OR1J2: variants seen among roughly 807,000 people sequenced by gnomAD.
OR1J2 encodes olfactory receptor 1J2.
For synonymous variants in OR1J2, 142 were observed against 99.7 expected (o/e 1.42, Z -2.52); for missense variants, 304 against 246.1 (o/e 1.24, Z -1.57).
At chr9:122,559,944 C>G in the OR1J2 span, among the ~76,000 whole-genome samples, 7 of 152,250 alleles carry the variant, frequency 4.6e-5, no homozygotes, top group African/African-American at 1.7e-4. Context: ...AAGTCTCCCA[C>G]TATTATTGTG....
At chr9:122,457,335 A>G in the OR1J2 span, among the ~76,000 whole-genome samples, 4 of 152,278 alleles carry the variant, frequency 2.6e-5, no homozygotes, top group South Asian at 4.1e-4. Flanking sequence ...ACGTTTGCCT[A>G]TGTAACAAAC....
the OR1J2 span, among the ~76,000 whole-genome samples, chr9:122,456,261 C>T: frequency 2.4e-4 from 37 of 152,194 alleles, no homozygotes; most frequent in African/African-American, 6.5e-4. Flanking sequence ...GCTATGTGCG[C>T]GCTCAGGAAT....
At chr9:122,471,769 C>G in the OR1J2 span, among the ~76,000 whole-genome samples, 1 of 152,116 alleles carries the variant, frequency 6.6e-6, no homozygotes, top group Admixed American at 6.5e-5. Context: ...AAAATTCCCC[C>G]CAAATAATTC....
chr9:122,453,049 AAATG>A, the OR1J2 span, among the ~76,000 whole-genome samples: 2 of 143,992 alleles, frequency 1.4e-5, no homozygotes, highest in African/African-American at 2.6e-5. Context: ...AAAAAAAAAA[AAATG>A]GGTGTGGCAC....
the OR1J2 span, among the ~76,000 whole-genome samples, chr9:122,545,861 TTAATA>T: frequency 1.3e-5 from 2 of 152,026 alleles, no homozygotes; most frequent in Non-Finnish European, 2.9e-5. Flanking sequence ...ATGAATAATA[TTAATA>T]TAATAGATGA....
At chr9:122,548,808 T>C in the OR1J2 span, among the ~76,000 whole-genome samples, 1 of 97,548 alleles carries the variant, frequency 1.0e-5, no homozygotes, top group African/African-American at 3.8e-5. Flanking sequence ...TGTGTTTTGT[T>C]GTTGTTGTTG....
chr9:122,575,549 T>C, the OR1J2 span, among the ~76,000 whole-genome samples: 59 of 151,828 alleles, frequency 3.9e-4, no homozygotes, highest in African/African-American at 1.4e-3. Context: ...GATGTTCCCT[T>C]ATTTATTTCT....
the OR1J2 span, among the ~76,000 whole-genome samples, chr9:122,559,900 C>T: frequency 6.6e-6 from 1 of 152,146 alleles, no homozygotes; most frequent in Non-Finnish European, 1.5e-5. Flanking sequence ...TTTTCTGTCT[C>T]ATTGATCAGT....
At chr9:122,552,079 T>TCTCTCTGTCACACA in the OR1J2 span, among the ~76,000 whole-genome samples, 1 of 142,102 alleles carries the variant, frequency 7.0e-6, no homozygotes, top group Non-Finnish European at 1.5e-5. Context: ...TCTCTCTCTC[T>TCTCTCTGTCACACA]CACACACACA....
At chr9:122,463,985 G>A in the OR1J2 span, among the ~76,000 whole-genome samples, 1 of 152,202 alleles carries the variant, frequency 6.6e-6, no homozygotes, top group South Asian at 2.1e-4. Context: ...TAGGCAGGGG[G>A]TGGGGCCATA....
the OR1J2 span, among the ~76,000 whole-genome samples, chr9:122,468,008 G>A: frequency 2.6e-5 from 4 of 152,182 alleles, no homozygotes; most frequent in African/African-American, 7.2e-5. Flanking sequence ...TGCCTCAGGG[G>A]TTTACTGAAA....
the OR1J2 span, among the ~76,000 whole-genome samples, chr9:122,490,499 C>T: frequency 1.3e-5 from 2 of 152,110 alleles, no homozygotes; most frequent in Non-Finnish European, 2.9e-5. Context: ...TCCCCTCATG[C>T]GTTTCCCACA....
chr9:122,513,369 G>T (rs190136172), downstream of OR1J2, among the ~76,000 whole-genome samples: 29 of 152,314 alleles, frequency 1.9e-4, no homozygotes, highest in East Asian at 5.2e-3. Flanking sequence ...TTTGATCTAT[G>T]TGTGGAATAT....
the OR1J2 span, among the ~76,000 whole-genome samples, chr9:122,464,130 C>T: frequency 6.6e-6 from 1 of 152,108 alleles, no homozygotes. Context: ...GCTGTGGGGG[C>T]TGGGAGTGTG....
At chr9:122,500,855 A>G in the OR1J2 span, among the ~76,000 whole-genome samples, 1 of 152,234 alleles carries the variant, frequency 6.6e-6, no homozygotes, top group Non-Finnish European at 1.5e-5. Context: ...TTTATGCAGA[A>G]AGATGTCTAA....
chr9:122,553,048 C>G, the OR1J2 span: 1 of 725,150 alleles, frequency 1.4e-6, no homozygotes, highest in Non-Finnish European at 2.4e-6. Flanking sequence ...CTTGCATTCC[C>G]AGTGAGATTC....
At chr9:122,518,311 G>A in the OR1J2 span, among the ~76,000 whole-genome samples, 9 of 152,208 alleles carry the variant, frequency 5.9e-5, no homozygotes, top group African/African-American at 2.2e-4. Context: ...TAGTCGGTTG[G>A]GCTGCTATAG....
At chr9:122,477,082 G>C in the OR1J2 span, 1 of 1,613,844 alleles carries the variant, frequency 6.2e-7, no homozygotes, top group East Asian at 2.2e-5. Context: ...CAACATGGGA[G>C]TGACTGCTGT....
chr9:122,525,375 C>T, the OR1J2 span, among the ~76,000 whole-genome samples: 1 of 151,932 alleles, frequency 6.6e-6, no homozygotes. Flanking sequence ...GAGAAACAAA[C>T]TTAAATGAGG....
Sources: allele counts gnomAD v4.1 joint callset (sites outside exome capture counted in the v4.1 genomes callset), GRCh38; gene constraint gnomAD v4.1.1; transcripts MANE v1.5; gene names NCBI Gene and HGNC (gene_info 2026-07-23, HGNC 2026-07-21).